Variants in TBX15 observed in about 807,000 individuals in gnomAD.
TBX15 encodes T-box transcription factor TBX15.
A neutral mutation model predicts 53.9 loss-of-function variants in TBX15; 18 were observed. The ratio of observed to expected loss-of-function variants is 0.33; its 90% CI spans 0.23 to 0.49. TBX15 has a LOEUF of 0.49. Among genes scored for constraint, TBX15 ranks in the 20% least tolerant of loss-of-function variants. The pLI, the probability that TBX15 is intolerant of heterozygous loss-of-function variation, is 0.98. For synonymous variants in TBX15, 295 were observed against 278.0 expected, an observed-to-expected ratio of 1.06 and a Z score of -0.61; for missense variants, 692 against 749.5, an observed-to-expected ratio of 0.92 and a Z score of 0.90.
intron 1 of TBX15, among the ~76,000 whole-genome samples, chr1:118,956,056 C>T (rs1055543542): frequency 2.0e-5 from 3 of 152,238 alleles, no homozygotes; most frequent in East Asian, 1.9e-4. Context: ...CCCCTTCTAC[C>T]ACATGGGGAC....
At chr1:118,926,727 A>G (rs1655607780) in intron 2 of TBX15, 116 bp from the exon 3 acceptor site, 1 of 903,586 alleles carries the variant, frequency 1.1e-6, no homozygotes, top group Non-Finnish European at 1.7e-6. Context: ...GTTTTTTGAG[A>G]TGGAGTCTCG....
intron 1 of TBX15, among the ~76,000 whole-genome samples, chr1:118,933,868 A>T (rs986277330): frequency 6.6e-6 from 1 of 152,218 alleles, no homozygotes; most frequent in Non-Finnish European, 1.5e-5. Context: ...AATTCACCAT[A>T]AAGTGCCACA....
At chr1:118,906,366 T>C (rs1654827334) in intron 6 of TBX15, among the ~76,000 whole-genome samples, 2 of 152,148 alleles carry the variant, frequency 1.3e-5, no homozygotes, top group Non-Finnish European at 1.5e-5. Context: ...TGACAAGTTG[T>C]TTCAGATTTC....
At chr1:118,934,181 G>A (rs540439203) in intron 1 of TBX15, among the ~76,000 whole-genome samples, 2 of 152,134 alleles carry the variant, frequency 1.3e-5, no homozygotes, top group Non-Finnish European at 1.5e-5. Flanking sequence ...CACAGGGGGG[G>A]CCTAGGTCCT....
intron 6 of TBX15, among the ~76,000 whole-genome samples, chr1:118,908,589 G>C (rs538899581): frequency 6.6e-6 from 1 of 151,890 alleles, no homozygotes; most frequent in African/African-American, 2.4e-5. Context: ...AAGAAATCTA[G>C]AAGTAGAAAC....
In TBX15 at chr1:118,987,573, C is replaced by T. The variant is rs1480360013; in HGVS notation, c.205+18G>A. ...CCCCTCTCCGCCCGCCTCCCGCGGT[C>T]GGCTGCGACGCACTCACCCGGGTGA... On this transcript the variant is annotated intron_variant, in intron 1 of 7. Coordinates refer to ENST00000369429, the MANE Select transcript of TBX15 (RefSeq NM_001330677.2). 2.3e-5 allele frequency: 35 copies of T among 1,538,488 alleles called. No homozygotes were observed. The highest frequency in any genetic ancestry group is 2.9e-5 in the Non-Finnish European group (33 of 1,143,226).
chr1:118,970,831 C>T (rs1469389936), intron 1 of TBX15, among the ~76,000 whole-genome samples: 1 of 152,166 alleles, frequency 6.6e-6, no homozygotes, highest in Non-Finnish European at 1.5e-5. Flanking sequence ...TTCCCTGGTA[C>T]CATGTGGCTG....
chr1:118,930,429 T>G (rs1418680385), intron 2 of TBX15, among the ~76,000 whole-genome samples: 1 of 152,234 alleles, frequency 6.6e-6, no homozygotes, highest in African/African-American at 2.4e-5. Context: ...TATTTATTTA[T>G]TTTTGAGACA....
intron 1 of TBX15, among the ~76,000 whole-genome samples, chr1:118,986,529 G>A (rs569119271): frequency 1.4e-4 from 21 of 152,170 alleles, no homozygotes; most frequent in Admixed American, 7.2e-4. Flanking sequence ...AAATGTAAGC[G>A]ACAGCTGTCC....
intron 7 of TBX15, among the ~76,000 whole-genome samples, chr1:118,893,485 G>GGAAAGAAAGAAAGAAAGAAAGAAA (rs55891659): frequency 1.4e-4 from 10 of 72,122 alleles, no homozygotes; most frequent in South Asian, 5.4e-4. Context: ...AAGGAAGGAA[G>GGAAAGAAAGAAAGAAAGAAAGAAA]GAAAGAAAGA....
chr1:118,958,457 C>A (rs895879097), intron 1 of TBX15, among the ~76,000 whole-genome samples: 4 of 152,196 alleles, frequency 2.6e-5, no homozygotes, highest in African/African-American at 9.6e-5. Flanking sequence ...GTGATTTTTT[C>A]TTTTGCTTCA....
At chr1:118,951,720 C>T (rs1298978503) in intron 1 of TBX15, among the ~76,000 whole-genome samples, 1 of 152,224 alleles carries the variant, frequency 6.6e-6, no homozygotes, top group African/African-American at 2.4e-5. Context: ...CTTCCTGCTC[C>T]TATATCTGCC....
At chr1:118,950,171 T>C (rs1193871748) in intron 1 of TBX15, among the ~76,000 whole-genome samples, 1 of 152,202 alleles carries the variant, frequency 6.6e-6, no homozygotes, top group African/African-American at 2.4e-5. Flanking sequence ...AAAAGACTGC[T>C]CTTCAGTGGC....
rs1047489839 is a variant in TBX15 at position 118,883,436 on chromosome 1, G to A, written c.*1296C>T. On this transcript the variant is annotated 3_prime_UTR_variant, in exon 8 of 8. Transcript: ENST00000369429. ...ATTTGATAAAAATGGAGATCTAAGG[G>A]CAGGTAGAAGGGTATAGAAGACCCA... The A allele has an allele frequency of 6.6e-6, 1 of 152,282 alleles. No homozygotes were observed. The highest frequency in any genetic ancestry group is 1.5e-5 in the Non-Finnish European group (1 of 68,028). The allele number at this position is 152,282 out of a possible 1,614,324, so 9.4% of individuals were successfully genotyped here. A position where few individuals can be genotyped will look rare whatever the true frequency, so the allele number is the denominator to read the frequency against.
chr1:118,906,383 A>C (rs371386415), intron 6 of TBX15, among the ~76,000 whole-genome samples: 1 of 152,222 alleles, frequency 6.6e-6, no homozygotes, highest in African/African-American at 2.4e-5. Flanking sequence ...TTTCAGCAAA[A>C]ACAAACTGGC....
chr1:118,934,651 A>C (rs1481497448), intron 1 of TBX15, among the ~76,000 whole-genome samples: 1 of 152,214 alleles, frequency 6.6e-6, no homozygotes, highest in Admixed American at 6.5e-5. Context: ...GCATTCAAAA[A>C]TAATCAGAGA....
At chr1:118,983,206 T>C (rs1023640754) in intron 1 of TBX15, among the ~76,000 whole-genome samples, 1 of 152,142 alleles carries the variant, frequency 6.6e-6, no homozygotes, top group Non-Finnish European at 1.5e-5. Context: ...ATGCAAACCA[T>C]AGCACATTTT....
chr1:118,980,166 G>A (rs1657600100), intron 1 of TBX15, among the ~76,000 whole-genome samples: 1 of 152,194 alleles, frequency 6.6e-6, no homozygotes, highest in Admixed American at 6.5e-5. Flanking sequence ...CATCGTGCGT[G>A]GAGGAAAATT....
intron 1 of TBX15, among the ~76,000 whole-genome samples, chr1:118,979,172 C>G (rs1416658139): frequency 6.6e-6 from 1 of 152,078 alleles, no homozygotes; most frequent in Non-Finnish European, 1.5e-5. Context: ...TCACTTCTCA[C>G]TCTGCTTTTA....
Sources: allele counts gnomAD v4.1 joint callset (sites outside exome capture counted in the v4.1 genomes callset), GRCh38; gene constraint gnomAD v4.1.1; transcripts MANE v1.5; gene names NCBI Gene and HGNC (gene_info 2026-07-23, HGNC 2026-07-21).